CHRM3: variants seen among roughly 807,000 people sequenced by gnomAD.
CHRM3 encodes the protein cholinergic receptor muscarinic 3, also known as muscarinic acetylcholine receptor M3.
Under a neutral mutation model 41.8 loss-of-function variants are expected in CHRM3, and 11 were observed. The observed-to-expected ratio is 0.26, with a 90% CI of 0.17 to 0.44. The LOEUF (loss-of-function observed/expected upper bound fraction) is 0.44, where lower values mean the gene tolerates loss of function less well. Among genes scored for constraint, CHRM3 ranks in the 20% least tolerant of loss-of-function variants. CHRM3 has a pLI of 1.00. For synonymous variants in CHRM3, 297 were observed against 301.4 expected (o/e 0.99, Z 0.15); for missense variants, 571 against 745.4 (o/e 0.77, Z 2.72).
intron 1 of CHRM3, among the ~76,000 whole-genome samples, chr1:239,408,554 T>TTATAAA (rs1056229815): frequency 1.1e-4 from 16 of 150,732 alleles, no homozygotes; most frequent in Non-Finnish European, 2.2e-4. Context: ...ACTCTCTCCT[T>TTATAAA]TATAAATTAC....
chr1:239,610,309 G>A (rs1445145856), intron 3 of CHRM3, among the ~76,000 whole-genome samples: 1 of 148,972 alleles, frequency 6.7e-6, no homozygotes, highest in East Asian at 2.0e-4. Flanking sequence ...AATCTTAAAA[G>A]AATAATCAAG....
chr1:239,635,308 C>T (rs770449334), intron 4 of CHRM3, among the ~76,000 whole-genome samples: 1 of 152,226 alleles, frequency 6.6e-6, no homozygotes, highest in Non-Finnish European at 1.5e-5. Context: ...CTTCAACTCC[C>T]TCCCCTACAT....
At chr1:239,710,245 G>T (rs1356396758) in intron 5 of CHRM3, among the ~76,000 whole-genome samples, 1 of 151,886 alleles carries the variant, frequency 6.6e-6, no homozygotes, top group East Asian at 1.9e-4. Flanking sequence ...TATGCATATA[G>T]ATACTCTCTA....
At chr1:239,855,395 T>C (rs939896552) in intron 6 of CHRM3, among the ~76,000 whole-genome samples, 7 of 152,332 alleles carry the variant, frequency 4.6e-5, no homozygotes, top group Admixed American at 3.9e-4. Flanking sequence ...ATTTAAACTT[T>C]AGATGAATTG....
chr1:239,430,467 G>A (rs1427014203), intron 1 of CHRM3, among the ~76,000 whole-genome samples: 1 of 151,992 alleles, frequency 6.6e-6, no homozygotes, highest in Non-Finnish European at 1.5e-5. Context: ...AATAGGTATG[G>A]TTTTTGTGTG....
intron 5 of CHRM3, among the ~76,000 whole-genome samples, chr1:239,734,321 T>C (rs1485953714): frequency 1.3e-5 from 2 of 152,102 alleles, no homozygotes; most frequent in Non-Finnish European, 2.9e-5. Flanking sequence ...TCGAAAGGAC[T>C]CAGAGCCAAC....
intron 3 of CHRM3, among the ~76,000 whole-genome samples, chr1:239,620,839 G>C (rs897880705): frequency 1.3e-5 from 2 of 152,134 alleles, no homozygotes; most frequent in African/African-American, 4.8e-5. Context: ...GCATTGATGA[G>C]AAATATATAG....
intron 6 of CHRM3, among the ~76,000 whole-genome samples, chr1:239,877,808 T>G (rs1180777947): frequency 2.6e-5 from 4 of 151,940 alleles, no homozygotes; most frequent in Non-Finnish European, 5.9e-5. Flanking sequence ...TGGACGACAA[T>G]TTTTCTGTGA....
At chr1:239,692,219 T>G (rs1158244020) in intron 5 of CHRM3, among the ~76,000 whole-genome samples, 1 of 152,198 alleles carries the variant, frequency 6.6e-6, no homozygotes, top group African/African-American at 2.4e-5. Context: ...ATGATACACC[T>G]CATCTTCCTA....
chr1:239,427,286 C>G (rs1205273885), intron 1 of CHRM3, among the ~76,000 whole-genome samples: 2 of 152,024 alleles, frequency 1.3e-5, no homozygotes, highest in African/African-American at 2.4e-5. Flanking sequence ...TTCAGAAAAC[C>G]AACTGAGATG....
At chr1:239,388,075 G>C (rs892438668) in intron 1 of CHRM3, among the ~76,000 whole-genome samples, 45 of 152,134 alleles carry the variant, frequency 3.0e-4, no homozygotes, top group African/African-American at 1.1e-3. Context: ...ATGCTTGTGC[G>C]TGTGTCCGAC....
chr1:239,812,872 G>A (rs1158792053), intron 5 of CHRM3, among the ~76,000 whole-genome samples: 1 of 152,238 alleles, frequency 6.6e-6, no homozygotes, highest in African/African-American at 2.4e-5. Flanking sequence ...AAATAGCAAA[G>A]TTGGAGTCTG....
chr1:239,608,700 C>A (rs920664849), intron 3 of CHRM3, among the ~76,000 whole-genome samples: 1 of 152,176 alleles, frequency 6.6e-6, no homozygotes, highest in African/African-American at 2.4e-5. Flanking sequence ...CGAAGGTCAA[C>A]ATTTGTGGGT....
At chr1:239,498,843 C>T (rs985595638) in intron 2 of CHRM3, among the ~76,000 whole-genome samples, 2 of 152,118 alleles carry the variant, frequency 1.3e-5, no homozygotes, top group Non-Finnish European at 2.9e-5. Flanking sequence ...TTGCAAGTTA[C>T]TATGCGGTTA....
At chr1:239,824,411 T>TA (rs1672294363) in intron 5 of CHRM3, among the ~76,000 whole-genome samples, 1 of 152,202 alleles carries the variant, frequency 6.6e-6, no homozygotes, top group Admixed American at 6.5e-5. Context: ...CAATGTTCGA[T>TA]ACTTGTGCAA....
intron 2 of CHRM3, among the ~76,000 whole-genome samples, chr1:239,498,848 C>T (rs548999322): frequency 3.9e-5 from 6 of 152,172 alleles, no homozygotes; most frequent in South Asian, 2.1e-4. Context: ...AGTTACTATG[C>T]GGTTATACAT....
chr1:239,453,417 T>G (rs982191903), intron 1 of CHRM3, among the ~76,000 whole-genome samples: 2 of 152,218 alleles, frequency 1.3e-5, no homozygotes, highest in Non-Finnish European at 2.9e-5. Context: ...AGAAATTGAT[T>G]GATTTCTTTA....
At chr1:239,452,604 G>A (rs1664632952) in intron 1 of CHRM3, among the ~76,000 whole-genome samples, 1 of 152,156 alleles carries the variant, frequency 6.6e-6, no homozygotes, top group Non-Finnish European at 1.5e-5. Flanking sequence ...GTTGCTTGAT[G>A]TCTGCAAACA....
intron 6 of CHRM3, among the ~76,000 whole-genome samples, chr1:239,838,595 T>G (rs1673524526): frequency 6.6e-6 from 1 of 152,208 alleles, no homozygotes. Context: ...TCTTATTGTA[T>G]AGGCAATGAG....
Sources: gnomAD v4.1 joint callset for allele counts (sites outside exome capture counted in the v4.1 genomes callset) on GRCh38, gnomAD v4.1.1 for gene constraint, MANE v1.5 for transcripts, NCBI Gene and HGNC (gene_info 2026-07-23, HGNC 2026-07-21) for gene names.